SNAI3: variants seen among roughly 807,000 people sequenced by gnomAD.
The protein encoded by SNAI3 is zinc finger protein SNAI3.
A neutral mutation model predicts 16.4 loss-of-function variants in SNAI3; 21 were observed. That is an observed-to-expected ratio of 1.28 (90% CI 0.91 to 1.85). The LOEUF (loss-of-function observed/expected upper bound fraction) is 1.85, where lower values mean the gene tolerates loss of function less well. Among genes scored for constraint, SNAI3 ranks in the 40% most tolerant of loss-of-function variants. The probability of loss-of-function intolerance (pLI) is 0.00; values close to 1 mark genes in which losing one functional copy is unlikely to be tolerated. For synonymous variants in SNAI3, 202 were observed against 166.6 expected (o/e 1.21, Z -1.64); for missense variants, 457 against 372.8 (o/e 1.23, Z -1.86).
intron 1 of SNAI3, among the ~76,000 whole-genome samples, chr16:88,684,876 G>A (rs1653785094): frequency 6.6e-6 from 1 of 152,196 alleles, no homozygotes; most frequent in African/African-American, 2.4e-5. Context: ...AGATTGAGGG[G>A]CCCCAAATCC....
At chr16:88,682,830 A>G (rs1347309607) in intron 1 of SNAI3, among the ~76,000 whole-genome samples, 2 of 120,242 alleles carry the variant, frequency 1.7e-5, no homozygotes, top group Non-Finnish European at 3.2e-5. Flanking sequence ...GCTGGAGTGC[A>G]GTGGCGTGAT....
chr16:88,681,681 A>G lies in SNAI3; in HGVS notation c.110T>C (p.Leu37Pro). The G allele has an allele frequency of 6.8e-7, 1 of 1,474,554 alleles. No homozygotes were observed. The allele number at this position is 1,474,554 out of a possible 1,614,324, so 91.3% of individuals were successfully genotyped here. The stretch of plus-strand genomic sequence containing the variant: ...GTCTCGGGGGAGGAGGGGCACCACC[A>G]GCCCCCCACAGGCAGAGCAGGCACC... Reference protein sequence around the residue: ...INGACSACGGLVVPLLPRDKE... With the variant: ...INGACSACGGPVVPLLPRDKE... Residue 37 changes from leucine (L) to proline (P), a missense_variant, in exon 2 of 3, where the codon CTG (leucine) becomes CCG (proline). Coordinates refer to ENST00000332281, the MANE Select transcript of SNAI3 (RefSeq NM_178310.4). This position sits in a 1 kb window ranked among gnomAD's most constrained non-coding sequence, Gnocchi z 5.4.
Position 88,683,242 on chromosome 16 carries a change from G to A in SNAI3, c.77-1528C>T, listed in dbSNP as rs540996907. 5.9e-5 allele frequency among the ~76,000 whole-genome samples: 9 copies of A among 151,620 alleles called. No individual in the cohort carries two copies. The South Asian group carries it at 8.3e-4, about 14-fold the overall frequency. On this transcript the variant is annotated intron_variant, in intron 1 of 2. Coordinates refer to ENST00000332281, the MANE Select transcript of SNAI3 (RefSeq NM_178310.4). The stretch of plus-strand genomic sequence containing the variant: ...CAAGTAGCTGGGACTACAGGTGTGC[G>A]CCACCATGCCTGGCTAATTTTTTTT...
intron 1 of SNAI3, among the ~76,000 whole-genome samples, chr16:88,683,139 G>A (rs1389586622): frequency 1.4e-5 from 2 of 142,300 alleles, no homozygotes; most frequent in African/African-American, 2.6e-5. Flanking sequence ...AGGCTGGAGT[G>A]CAGTGGCGTG....
chr16:88,683,792 A>G (rs1567627898), intron 1 of SNAI3, among the ~76,000 whole-genome samples: 1 of 151,182 alleles, frequency 6.6e-6, no homozygotes, highest in African/African-American at 2.4e-5. Flanking sequence ...CCTGGCCTCA[A>G]GGGATCTGCC....
At position 88,681,502 on chromosome 16, in the gene SNAI3, C is replaced by T. The variant is rs1370365313; in HGVS notation, c.289G>A (p.Ala97Thr). 4 of 1,545,972 alleles carry T rather than the reference C, an allele frequency of 2.6e-6. No homozygotes were observed. Among genetic ancestry groups the T allele is most frequent in the African/African-American group, 1.4e-5 (1 of 73,264 alleles). The stretch of plus-strand genomic sequence containing the variant: ...AGGGGTACAATGGCGGCCCGGCTGG[C>T]CCGAGGGTCGACCTCGCTGACTTCC... ...ALEVSEVDPRASRAAIVPLKD... is the reference protein window; with the variant it reads ...ALEVSEVDPRTSRAAIVPLKD... Residue 97 changes from alanine to threonine, a missense_variant, in exon 2 of 3, where the codon GCC (alanine) becomes ACC (threonine). By Grantham distance (58) the Ala-to-Thr change is moderately conservative. Coordinates refer to ENST00000332281, the MANE Select transcript of SNAI3 (RefSeq NM_178310.4). The surrounding 1 kb of genome is among the most constrained non-coding windows in gnomAD (Gnocchi z 5.4).
Position 88,678,523 on chromosome 16 carries a change from C to T in SNAI3, c.804G>A (p.Arg268=). 1 of 791,410 alleles carries T rather than the reference C, an allele frequency of 1.3e-6. No individual in the cohort carries two copies. The allele number at this position is 791,410 out of a possible 1,614,324, so 49.0% of individuals were successfully genotyped here. A position where few individuals can be genotyped will look rare whatever the true frequency, so the allele number is the denominator to read the frequency against. ...THSDAKKYRC[R]RCTKTFSRMS... ...TGCGGGAGAAGGTCTTGGTGCAGCG[C>T]CGGCACCGGTACTTCTTGGCGTCTG... Residue 268 remains arginine (R), a synonymous_variant, in exon 3 of 3, where the codon CGG becomes CGA. Transcript: ENST00000332281.
intron 1 of SNAI3, among the ~76,000 whole-genome samples, chr16:88,684,483 G>A (rs1179159023): frequency 6.6e-6 from 1 of 152,142 alleles, no homozygotes; most frequent in Non-Finnish European, 1.5e-5. Context: ...AGATCCTGGG[G>A]AGAAGACACT....
chr16:88,683,103 T>G (rs1177890605), intron 1 of SNAI3, among the ~76,000 whole-genome samples: 5 of 140,972 alleles, frequency 3.5e-5, no homozygotes, highest in African/African-American at 1.4e-4. Flanking sequence ...TTTTTTTTTT[T>G]GAGACAGAGT....
intron 1 of SNAI3, chr16:88,685,189 C>T (rs931228939): frequency 6.6e-6 from 1 of 152,286 alleles, no homozygotes. Flanking sequence ...AAGCCAGTGT[C>T]CTTCACCATG....
At chr16:88,686,248 C>T (rs1487385977) in intron 1 of SNAI3, 83 bp downstream of exon 1, 5 of 1,506,290 alleles carry the variant, frequency 3.3e-6, no homozygotes, top group Non-Finnish European at 4.5e-6. Flanking sequence ...GTCTCCCCAG[C>T]CCCCGCTCCC....
chr16:88,684,103 C>A (rs983646934), intron 1 of SNAI3, among the ~76,000 whole-genome samples: 3 of 152,206 alleles, frequency 2.0e-5, no homozygotes, highest in Non-Finnish European at 4.4e-5. Flanking sequence ...CTCAGTTTTC[C>A]TAATTACAGA....
intron 1 of SNAI3, among the ~76,000 whole-genome samples, chr16:88,682,367 A>C (rs1006883146): frequency 2.6e-5 from 4 of 152,288 alleles, no homozygotes; most frequent in African/African-American, 9.6e-5. Flanking sequence ...GGGCTTTCAG[A>C]ATTACCCCGG....
rs752331544 is a variant in SNAI3 at position 88,681,547 on chromosome 16, C to T, written c.244G>A (p.Ala82Thr). Residue 82 changes from alanine (A) to threonine (T), a missense_variant, in exon 2 of 3, where the codon GCC (alanine) becomes ACC (threonine). Transcript: ENST00000332281. The surrounding 1 kb of genome is among the most constrained non-coding windows in gnomAD (Gnocchi z 5.4). ...LLPRIEEALG[A>T]SGLDALEVSE... ...ACTTCCAAGGCGTCCAGCCCAGAGG[C>T]CCCCAGAGCTTCCTCGATCCGTGGC... 2 of 1,513,362 alleles carry T rather than the reference C, an allele frequency of 1.3e-6. No individual in the cohort carries two copies. Among genetic ancestry groups the T allele is most frequent in the Admixed American group, 2.2e-5 (1 of 44,958 alleles). 93.7% of individuals were successfully genotyped at this position (1,513,362 alleles called of 1,614,324 possible).
intron 2 of SNAI3, among the ~76,000 whole-genome samples, chr16:88,680,474 C>CA (rs1475844359): frequency 6.6e-6 from 1 of 151,932 alleles, no homozygotes; most frequent in Non-Finnish European, 1.5e-5. Context: ...TTAGCAGAGA[C>CA]AGAGTTTCAT....
chr16:88,683,269 T>TC lies in SNAI3; in HGVS notation c.77-1556dup, dbSNP rs568402002. Among the ~76,000 whole-genome samples, 175 of 151,600 alleles carry TC rather than the reference T, an allele frequency of 1.2e-3. 1 individual carries two copies. The highest frequency in any genetic ancestry group is 4.1e-3 in the African/African-American group (170 of 41,296). ...CACCATGCCTGGCTAATTTTTTTTT[T>TC]CCCCCAGATGGAGTCTCGCTCTGTC... is the stretch of plus-strand genomic sequence containing the variant. On this transcript the variant is annotated intron_variant, in intron 1 of 2. Coordinates refer to ENST00000332281, the MANE Select transcript of SNAI3 (RefSeq NM_178310.4).
Position 88,682,762 on chromosome 16 carries a change from A to ATTTTTTTTTTTTTTT in SNAI3, c.77-1063_77-1049dup, listed in dbSNP as rs71158747. On this transcript the variant is annotated intron_variant, in intron 1 of 2. Coordinates refer to ENST00000332281, the MANE Select transcript of SNAI3 (RefSeq NM_178310.4). ...AATACAATTTTAATATGGGCAAGGG[A>ATTTTTTTTTTTTTTT]TTTTTTTTTTTTTTTTTTTTTTTTT... Among the ~76,000 whole-genome samples, 54 of 60,692 alleles carry ATTTTTTTTTTTTTTT rather than the reference A, an allele frequency of 8.9e-4. 10 individuals are homozygous for ATTTTTTTTTTTTTTT. Among genetic ancestry groups the ATTTTTTTTTTTTTTT allele is most frequent in the Non-Finnish European group, 1.3e-3 (44 of 33,206 alleles). 39.8% of individuals were successfully genotyped at this position (60,692 alleles called of 152,430 possible). A position where few individuals can be genotyped will look rare whatever the true frequency, so the allele number is the denominator to read the frequency against.
rs150826965 is a variant in SNAI3 at position 88,680,603 on chromosome 16, TG to T, written c.697+490del. Reference sequence around the variant, plus strand: ...CCTGGTGGGTTTTTTTGTTTTGTTTTGTTTTTTTGTTTTGAGTTGGGGTCTC... The same window carrying T: ...CCTGGTGGGTTTTTTTGTTTTGTTTTTTTTTTTGTTTTGAGTTGGGGTCTC... On this transcript the variant is annotated intron_variant, in intron 2 of 2. Coordinates refer to ENST00000332281, the MANE Select transcript of SNAI3 (RefSeq NM_178310.4). 5.5e-3 allele frequency among the ~76,000 whole-genome samples: 835 copies of T among 151,894 alleles called. 21 individuals are homozygous for T. The East Asian group carries it at 0.059, about 11-fold the overall frequency.
Position 88,681,668 on chromosome 16 carries a change from G to A in SNAI3, c.123C>T (p.Leu41=), listed in dbSNP as rs769744780. 2 of 1,478,592 alleles carry A rather than the reference G, an allele frequency of 1.4e-6. No homozygotes were observed. Among genetic ancestry groups the A allele is most frequent in the East Asian group, 4.7e-5 (2 of 42,430 alleles). 91.6% of individuals were successfully genotyped at this position (1,478,592 alleles called of 1,614,324 possible). A position where few individuals can be genotyped will look rare whatever the true frequency, so the allele number is the denominator to read the frequency against. The change falls in exon 2 of 3, where the codon CTC becomes CTT. Residue 41 remains leucine, a synonymous_variant. Coordinates refer to ENST00000332281, the MANE Select transcript of SNAI3 (RefSeq NM_178310.4). The surrounding 1 kb of genome is among the most constrained non-coding windows in gnomAD (Gnocchi z 5.4). ...CSACGGLVVP[L]LPRDKEAPSV... is the part of the protein sequence containing the mutation. ...AAGGGGCCTCCTTGTCTCGGGGGAGGAGGGGCACCACCAGCCCCCCACAGG... is the reference window on the plus strand; with the variant it reads ...AAGGGGCCTCCTTGTCTCGGGGGAGAAGGGGCACCACCAGCCCCCCACAGG...
Sources: allele counts gnomAD v4.1 joint callset (sites outside exome capture counted in the v4.1 genomes callset), GRCh38; gene constraint gnomAD v4.1.1; non-coding constraint Gnocchi (gnomAD v3.1); transcripts MANE v1.5; gene names NCBI Gene and HGNC (gene_info 2026-07-23, HGNC 2026-07-21).